Variants in PCDH20 observed in about 807,000 individuals in gnomAD.
PCDH20 encodes the protein protocadherin 20.
Under a neutral mutation model 39.7 loss-of-function variants are expected in PCDH20, and 18 were observed. That is an observed-to-expected ratio of 0.45 (90% CI 0.31 to 0.67). The LOEUF is 0.67. PCDH20 is among the 30% of genes least tolerant of loss of function. The pLI is 0.05. For missense variants in PCDH20, 1,161 were observed against 1,167.4 expected (o/e 0.99, Z 0.08); for synonymous variants, 495 against 455.4 (o/e 1.09, Z -1.11).
exon 2 of PCDH20, chr13:61,413,073 G>A: frequency 6.2e-7 from 1 of 1,614,178 alleles, no homozygotes; most frequent in East Asian, 2.2e-5. Context: ...CCACAGCCTG[G>A]ACAGCTGCAA....
At position 61,413,367 on chromosome 13, in the gene PCDH20, T is replaced by C. The variant is rs142199876; in HGVS notation, c.732A>G (p.Val244=). 2,175 of 1,614,074 alleles carry C rather than the reference T, an allele frequency of 1.3e-3. 7 individuals carry two copies. The highest frequency in any genetic ancestry group is 1.3e-3 in the Non-Finnish European group (1,504 of 1,180,014). The change falls in exon 2 of 2, where the codon GTA becomes GTG. Residue 244 remains valine, a synonymous_variant. Coordinates refer to ENST00000409204, the Ensembl canonical transcript of PCDH20. ...GGTAGTCCAGTAAGCGATAGGTCTG[T>C]ACCCCATTAATGCCTACATCTGGGT...
exon 2 of PCDH20, chr13:61,413,907 C>T: frequency 6.2e-7 from 1 of 1,613,390 alleles, no homozygotes; most frequent in Non-Finnish European, 8.5e-7. Flanking sequence ...GCTCGGTGGC[C>T]CGGCTGTAAC....
chr13:61,411,851 A>T (rs778160611), exon 2 of PCDH20: 31 of 1,614,118 alleles, frequency 1.9e-5, no homozygotes, highest in Non-Finnish European at 2.6e-5. Context: ...AACAGATAAG[A>T]CATATTAGAC....
exon 2 of PCDH20, chr13:61,410,369 C>G (rs139995858): frequency 6.6e-6 from 1 of 152,224 alleles, no homozygotes; most frequent in East Asian, 1.9e-4. Flanking sequence ...GTACGACCAA[C>G]AAGTTGTGAA....
chr13:61,410,414 T>G (rs1752888841), exon 2 of PCDH20: 1 of 152,302 alleles, frequency 6.6e-6, no homozygotes, highest in African/African-American at 2.4e-5. Flanking sequence ...ATGAAGCAAC[T>G]AAAGATTGAA....
rs1450404430 is a variant in PCDH20, at chr13:61,412,561, T to C, written c.1538A>G (p.Glu513Gly). The C allele has an allele frequency of 2.4e-5, 39 of 1,614,040 alleles. 1 individual carries two copies. The highest frequency in any genetic ancestry group is 3.2e-5 in the Non-Finnish European group (38 of 1,180,004). Reference sequence around the variant, plus strand: ...AATGACCCTTTTGACATGAAATCCCTCAGAGTTCCAAGCCACCACAGCTAC... The same window carrying C: ...AATGACCCTTTTGACATGAAATCCCCCAGAGTTCCAAGCCACCACAGCTAC... Residue 513 changes from glutamate (E) to glycine (G), a missense_variant, in exon 2 of 2, where the codon GAG (glutamate) becomes GGG (glycine). By Grantham distance (98) the Glu-to-Gly change is moderately conservative. This residue lies in a region of PCDH20 where 754 missense variants were observed against 777.5 expected (regional missense o/e 0.97). Coordinates refer to ENST00000409204, the Ensembl canonical transcript of PCDH20.
At position 61,412,791 on chromosome 13, in the gene PCDH20, A is replaced by C. The variant is rs1469681090; in HGVS notation, c.1308T>G (p.Asp436Glu). ...CCAGTTCTTTCAGATAAACCACACC[A>C]TCTATCTCGTTTGCTATGTAACGAG... The change falls in exon 2 of 2, where the codon GAT (aspartate) becomes GAG (glutamate). Residue 436 changes from aspartate to glutamate, a missense_variant. Asp to Glu is a conservative substitution (Grantham distance 45). Around this residue, in one of 3 missense-constraint regions of PCDH20, gnomAD observed 754 missense variants for 777.5 expected, o/e 0.97. Transcript: ENST00000409204. 4 of 1,614,102 alleles carry C rather than the reference A, an allele frequency of 2.5e-6. No individual in the cohort carries two copies. The African/African-American group carries it at 4.0e-5, about 16-fold the overall frequency.
At chr13:61,413,818 C>A (rs776792907) in exon 2 of PCDH20, 9 of 1,612,878 alleles carry the variant, frequency 5.6e-6, no homozygotes, top group Non-Finnish European at 5.1e-6. Flanking sequence ...CCCTGCAGAC[C>A]TGGGCAGCAG....
At chr13:61,413,130 T>C in exon 2 of PCDH20, 1 of 1,614,150 alleles carries the variant, frequency 6.2e-7, no homozygotes, top group African/African-American at 1.3e-5. Context: ...CATTGATTTG[T>C]GAGTCTGTGA....
At chr13:61,412,455 G>A (rs1878266294) in exon 2 of PCDH20, 2 of 1,614,158 alleles carry the variant, frequency 1.2e-6, no homozygotes, top group African/African-American at 1.3e-5. Context: ...CATTGGGTGA[G>A]TTGTTCTCTT....
exon 2 of PCDH20, chr13:61,412,159 A>G (rs775371578): frequency 6.2e-7 from 1 of 1,614,150 alleles, no homozygotes; most frequent in East Asian, 2.2e-5. Context: ...TTCAGGCACA[A>G]AAAAGCTGAA....
At chr13:61,412,098 G>A (rs535309463) in exon 2 of PCDH20, 19 of 1,614,004 alleles carry the variant, frequency 1.2e-5, no homozygotes, top group South Asian at 2.2e-5. Context: ...TTCGTCCAGC[G>A]TCAGCATCTG....
rs1331024063 is a variant in PCDH20, at chr13:61,411,454, T to C, written c.2645A>G (p.Glu882Gly). ...TAAGGTGGGCATACAAGACACAGAT[T>C]CTACCTTCCTATGAGTCGGTTCTAT... The change falls in exon 2 of 2, where the codon GAA becomes GGA. Residue 882 changes from glutamate (E) to glycine (G), a missense_variant. Physicochemically the swap from Glu to Gly is moderately conservative, Grantham distance 98 (BLOSUM62 -2). This residue lies in a region of PCDH20 where 754 missense variants were observed against 777.5 expected (regional missense o/e 0.97). Transcript: ENST00000409204. 10 of 1,614,130 alleles carry C rather than the reference T, an allele frequency of 6.2e-6. No individual in the cohort carries two copies. The highest frequency in any genetic ancestry group is 8.5e-6 in the Non-Finnish European group (10 of 1,179,982).
At chr13:61,414,752 A>G (rs151000223) in intron 1 of PCDH20, among the ~76,000 whole-genome samples, 10 of 152,132 alleles carry the variant, frequency 6.6e-5, no homozygotes, top group Non-Finnish European at 1.5e-4. Context: ...ACGATCCCGA[A>G]CCCCTGTAGC....
chr13:61,411,866 G>A, exon 2 of PCDH20: 1 of 1,614,098 alleles, frequency 6.2e-7, no homozygotes, highest in African/African-American at 1.3e-5. Flanking sequence ...TTAGACTGAG[G>A]AAACAAAACA....
Position 61,411,315 on chromosome 13 carries a change from T to TCC in PCDH20, c.2783_2784insGG (p.Gln929AspfsTer5). The TCC allele has an allele frequency of 1.9e-6, 3 of 1,614,106 alleles. No homozygotes were observed. Among genetic ancestry groups the TCC allele is most frequent in the Non-Finnish European group, 2.5e-6 (3 of 1,179,986 alleles). Reference sequence around the variant, plus strand: ...CAATTTTTCCTTTCAGTGGAATCTGTACTTCCAAATTTTCATCTTCCCTGG... The same window carrying TCC: ...CAATTTTTCCTTTCAGTGGAATCTGTCCACTTCCAAATTTTCATCTTCCCTGG... On this transcript the variant is annotated frameshift_variant, in exon 2 of 2. Transcript: ENST00000409204. LOFTEE classifies it high-confidence loss of function.
exon 2 of PCDH20, chr13:61,412,240 T>G: frequency 6.2e-7 from 1 of 1,614,172 alleles, no homozygotes; most frequent in Non-Finnish European, 8.5e-7. Flanking sequence ...GGCTACTGAT[T>G]CTCTGGGTGG....
At chr13:61,413,699 C>G in exon 2 of PCDH20, 1 of 1,613,998 alleles carries the variant, frequency 6.2e-7, no homozygotes, top group Non-Finnish European at 8.5e-7. Context: ...GAGCGGTTGT[C>G]TAGGGTCACG....
At chr13:61,412,077 G>A (rs749559750) in exon 2 of PCDH20, 14 of 1,614,000 alleles carry the variant, frequency 8.7e-6, no homozygotes, top group Non-Finnish European at 1.1e-5. Flanking sequence ...CAGAGAGGGC[G>A]ACCCATCCAT....
Sources: gnomAD v4.1 joint callset for allele counts (sites outside exome capture counted in the v4.1 genomes callset) on GRCh38, gnomAD v4.1.1 for gene constraint, gnomAD v4.1.1 regional missense constraint, MANE v1.5 for transcripts, NCBI Gene and HGNC (gene_info 2026-07-23, HGNC 2026-07-21) for gene names.